The following PNPLA1 variants were observed in gnomAD, a reference collection of about 807,000 sequenced individuals.
The protein encoded by PNPLA1 is omega-hydroxyceramide transacylase.
In PNPLA1, 36 loss-of-function variants were observed where a neutral mutation model predicts 51.7. The observed-to-expected ratio is 0.70, with a 90% CI of 0.53 to 0.92. The LOEUF (loss-of-function observed/expected upper bound fraction) is 0.92, where lower values mean the gene tolerates loss of function less well. Ranked by LOEUF, PNPLA1 falls within the 40% of genes least tolerant of loss-of-function variation. PNPLA1 has a pLI of 0.00. For missense variants in PNPLA1, 658 were observed against 682.5 expected, an observed-to-expected ratio of 0.96 and a Z score of 0.40; for synonymous variants, 293 against 280.1, an observed-to-expected ratio of 1.05 and a Z score of -0.46.
rs2127352497 is a variant in PNPLA1 at position 36,302,467 on chromosome 6, A to G, written c.1382A>G (p.Gln461Arg). The G allele has an allele frequency of 2.0e-6, 3 of 1,537,010 alleles. No individual in the cohort carries two copies. In the East Asian group the frequency reaches 6.8e-5, roughly 35 times the overall value. The change falls in exon 6 of 9, where the codon CAA becomes CGA. Residue 461 changes from glutamine to arginine, a missense_variant and splice_region_variant. Gln to Arg is a conservative substitution (Grantham distance 43, BLOSUM62 1). Coordinates refer to ENST00000636260, the MANE Select transcript of PNPLA1 (RefSeq NM_001374623.1). ...PVEELGQEQP[Q>R]AVALLVSSKP... is the part of the protein sequence containing the mutation. ...GAGGAACTAGGCCAAGAACAGCCCCAAGGTATGGACCCTTCTGGCTTGTTA... is the reference window on the plus strand; with the variant it reads ...GAGGAACTAGGCCAAGAACAGCCCCGAGGTATGGACCCTTCTGGCTTGTTA...
chr6:36,250,811 C>T (rs1224806977), intron 1 of PNPLA1, among the ~76,000 whole-genome samples: 2 of 152,124 alleles, frequency 1.3e-5, no homozygotes, highest in African/African-American at 2.4e-5. Context: ...TCAAGTGATT[C>T]TCCTGCCTCA....
At chr6:36,289,943 G>C (rs9380565) in intron 1 of PNPLA1, among the ~76,000 whole-genome samples, 65,513 of 152,070 alleles carry the variant, frequency 0.43, 14,604 homozygotes, top group African/African-American at 0.53. Flanking sequence ...TGTGTCTCAG[G>C]TGCTCTATTT....
rs578163510 is a variant in PNPLA1, at chr6:36,313,685, G to C, written c.*1799G>C. Among the ~76,000 whole-genome samples, 6 of 152,268 alleles carry C rather than the reference G, an allele frequency of 3.9e-5. No homozygotes were observed. The highest frequency in any genetic ancestry group is 6.5e-5 in the Admixed American group (1 of 15,290). On this transcript the variant is annotated 3_prime_UTR_variant, in exon 9 of 9. Transcript: ENST00000636260. ...AAGGAAGCAGCTGGAGGTGTGTACT[G>C]TGGGGGAGACTGACTAGAGAGGCCC...
At position 36,313,284 on chromosome 6, in the gene PNPLA1, G is replaced by A. The variant is rs1234046208; in HGVS notation, c.*1398G>A. 6.6e-6 allele frequency among the ~76,000 whole-genome samples: 1 copy of A among 152,120 alleles called. No individual in the cohort carries two copies. Among genetic ancestry groups the A allele is most frequent in the Admixed American group, 6.5e-5 (1 of 15,274 alleles). On this transcript the variant is annotated 3_prime_UTR_variant, in exon 9 of 9. Transcript: ENST00000636260. ...GACAACTTCAGCCTCAATTTTTCCA[G>A]CCTGTCCAGAAAATAATTGCCCCCC...
chr6:36,285,677 T>C (rs566582153), intron 1 of PNPLA1, among the ~76,000 whole-genome samples: 1 of 152,146 alleles, frequency 6.6e-6, no homozygotes, highest in Non-Finnish European at 1.5e-5. Context: ...CCCACCGTAT[T>C]CCAGGCACTA....
intron 1 of PNPLA1, among the ~76,000 whole-genome samples, chr6:36,259,772 G>A (rs1443085983): frequency 6.6e-6 from 1 of 152,150 alleles, no homozygotes; most frequent in Non-Finnish European, 1.5e-5. Context: ...TTATAAGTGG[G>A]AGCTAAACAG....
chr6:36,271,289 C>T (rs1769909225), intron 1 of PNPLA1, among the ~76,000 whole-genome samples: 1 of 152,160 alleles, frequency 6.6e-6, no homozygotes, highest in Non-Finnish European at 1.5e-5. Context: ...TGCTACACTG[C>T]TAACCCAGAG....
At chr6:36,266,044 A>G (rs1022250175), upstream of PNPLA1, among the ~76,000 whole-genome samples, 1 of 152,216 alleles carries the variant, frequency 6.6e-6, no homozygotes, top group African/African-American at 2.4e-5. Flanking sequence ...AGCTGCCAAG[A>G]AAGTTGGCTC....
At chr6:36,271,003 G>C (rs1445313974) in intron 1 of PNPLA1, among the ~76,000 whole-genome samples, 1 of 152,114 alleles carries the variant, frequency 6.6e-6, no homozygotes, top group Non-Finnish European at 1.5e-5. Context: ...GCTACACCAC[G>C]GCACAGTCAT....
intron 5 of PNPLA1, among the ~76,000 whole-genome samples, chr6:36,300,433 A>T (rs1185430503): frequency 6.6e-6 from 1 of 152,020 alleles, no homozygotes; most frequent in East Asian, 1.9e-4. Context: ...TGACCTCATA[A>T]TCCGCCCGCC....
intron 2 of PNPLA1, among the ~76,000 whole-genome samples, chr6:36,291,880 C>G (rs561367425): frequency 6.6e-6 from 1 of 152,194 alleles, no homozygotes; most frequent in African/African-American, 2.4e-5. Flanking sequence ...GCCTTCCAGG[C>G]TGGGCTGCCA....
At chr6:36,274,263 G>A (rs577403303) in intron 1 of PNPLA1, among the ~76,000 whole-genome samples, 3 of 152,250 alleles carry the variant, frequency 2.0e-5, no homozygotes, top group East Asian at 3.9e-4. Flanking sequence ...GCTAGAATTC[G>A]AACTCAGTCT....
At chr6:36,264,032 T>C (rs1728945556) in intron 1 of PNPLA1, among the ~76,000 whole-genome samples, 1 of 152,208 alleles carries the variant, frequency 6.6e-6, no homozygotes, top group Non-Finnish European at 1.5e-5. Flanking sequence ...TCGTCCCTTC[T>C]GCCCCATGAC....
Position 36,302,346 on chromosome 6 carries a change from A to G in PNPLA1, c.1261A>G (p.Thr421Ala). 6.2e-7 allele frequency: 1 copy of G among 1,612,814 alleles called. No homozygotes were observed. Among genetic ancestry groups the G allele is most frequent in the Non-Finnish European group, 8.5e-7 (1 of 1,179,150 alleles). Residue 421 changes from threonine (T) to alanine (A), a missense_variant, in exon 6 of 9, where the codon ACT becomes GCT. By Grantham distance (58) the Thr-to-Ala change is moderately conservative. Transcript: ENST00000636260. ...CAGATCCCTACACTCTCAGGCACCC[A>G]CTTCACCCAGGCCATCCCTGGGGCC... is the stretch of plus-strand genomic sequence containing the variant. ...PARSLHSQAP[T>A]SPRPSLGPST...
At chr6:36,306,673 A>G (rs1771248232) in intron 7 of PNPLA1, among the ~76,000 whole-genome samples, 1 of 152,110 alleles carries the variant, frequency 6.6e-6, no homozygotes, top group Non-Finnish European at 1.5e-5. Flanking sequence ...CCCTGCCCTC[A>G]TATTTTACTC....
At chr6:36,274,333 G>GT (rs1770024871) in intron 1 of PNPLA1, among the ~76,000 whole-genome samples, 2 of 152,180 alleles carry the variant, frequency 1.3e-5, no homozygotes, top group Admixed American at 1.3e-4. Flanking sequence ...ATGTTAAGGG[G>GT]TGAGGAGGCA....
At chr6:36,309,328 C>T (rs1771336628) in intron 8 of PNPLA1, among the ~76,000 whole-genome samples, 1 of 152,172 alleles carries the variant, frequency 6.6e-6, no homozygotes, top group Admixed American at 6.5e-5. Context: ...TGGGATTCTT[C>T]TCACTCATTC....
At chr6:36,277,331 T>C (rs188486983) in intron 1 of PNPLA1, among the ~76,000 whole-genome samples, 2 of 152,288 alleles carry the variant, frequency 1.3e-5, no homozygotes, top group Admixed American at 6.5e-5. Context: ...GTCAGCTACA[T>C]CCCATGGATT....
Position 36,247,238 on chromosome 6 carries a change from C to T in PNPLA1, c.-81+3977C>T, listed in dbSNP as rs565788664. Among the ~76,000 whole-genome samples, 61 of 152,340 alleles carry T rather than the reference C, an allele frequency of 4.0e-4. 2 individuals carry two copies. Among genetic ancestry groups the T allele is most frequent in the Admixed American group, 3.4e-3 (52 of 15,306 alleles). On this transcript the variant is annotated intron_variant, in intron 1 of 7. Coordinates refer to the PNPLA1 transcript ENST00000312917. The stretch of plus-strand genomic sequence containing the variant: ...TCAGGGCCCCACAGACTACTGACCT[C>T]ACCCGCTTTCAAATCCCTACTCCCT...
Sources: gnomAD v4.1 joint callset for allele counts (sites outside exome capture counted in the v4.1 genomes callset) on GRCh38, gnomAD v4.1.1 for gene constraint, MANE v1.5 for transcripts, NCBI Gene and HGNC (gene_info 2026-07-23, HGNC 2026-07-21) for gene names.